PPIE: variants seen among roughly 807,000 people sequenced by gnomAD.
PPIE encodes peptidyl-prolyl cis-trans isomerase E.
Under a neutral mutation model 38.4 loss-of-function variants are expected in PPIE, and 20 were observed. The ratio of observed to expected loss-of-function variants is 0.52; its 90% CI spans 0.37 to 0.76. The LOEUF (loss-of-function observed/expected upper bound fraction) is 0.76. PPIE is among the 30% of genes least tolerant of loss of function. The pLI is 0.00. For missense variants in PPIE, 322 were observed against 385.8 expected (o/e 0.83, Z 1.39); for synonymous variants, 142 against 135.7 (o/e 1.05, Z -0.32).
intron 8 of PPIE, among the ~76,000 whole-genome samples, chr1:39,752,203 G>A (rs962916522): frequency 6.6e-6 from 1 of 152,118 alleles, no homozygotes; most frequent in South Asian, 2.1e-4. Flanking sequence ...GGCTTTCAGC[G>A]GTATCTCTGA....
intron 5 of PPIE, among the ~76,000 whole-genome samples, chr1:39,743,508 G>A (rs564948260): frequency 5.3e-5 from 8 of 152,314 alleles, no homozygotes; most frequent in Middle Eastern, 6.8e-3. Context: ...GATTGTTTCT[G>A]TTATGAGAGA....
rs553855545 is a variant in PPIE, at chr1:39,756,189, T to G, written c.*2834T>G. The G allele has an allele frequency of 1.4e-4, 140 of 985,432 alleles. No homozygotes were observed. Among genetic ancestry groups the G allele is most frequent in the Admixed American group, 3.7e-4 (6 of 16,290 alleles). The allele number at this position is 985,432 out of a possible 1,614,324, so 61.0% of individuals were successfully genotyped here. ...GCTGCCTCGGGAAAACTCTGACCTC[T>G]CTGGGAAGTGGAGCCAGTGGCTCTG... On this transcript the variant is annotated 3_prime_UTR_variant, in exon 10 of 10. Transcript: ENST00000324379.
At chr1:39,762,555 C>T in intron 9 of PPIE, 2 of 1,550,306 alleles carry the variant, frequency 1.3e-6, no homozygotes, top group South Asian at 2.4e-5. Context: ...CCAGGGGATC[C>T]AGAAAAAACA....
In PPIE at chr1:39,756,119, C is replaced by T. The variant is rs1648242479; in HGVS notation, c.*2764C>T. The T allele has an allele frequency of 5.1e-6, 5 of 985,336 alleles. No individual in the cohort carries two copies. Among genetic ancestry groups the T allele is most frequent in the Non-Finnish European group, 6.0e-6 (5 of 829,946 alleles). 61.0% of individuals were successfully genotyped at this position (985,336 alleles called of 1,614,324 possible). On this transcript the variant is annotated 3_prime_UTR_variant, in exon 10 of 10. Transcript: ENST00000324379. ...AGCTGGGCAGTGGCATGCCCCACAG[C>T]CTGGCCACCTGCTTCGGCTACGCAC...
intron 9 of PPIE, chr1:39,763,046 G>A: frequency 6.3e-7 from 1 of 1,599,286 alleles, no homozygotes; most frequent in Non-Finnish European, 8.6e-7. Context: ...CCTCTCCACA[G>A]GGCCCCCCAC....
chr1:39,739,952 G>A, intron 1 of PPIE: 1 of 486,270 alleles, frequency 2.1e-6, no homozygotes, highest in Non-Finnish European at 3.7e-6. Context: ...AGCTATTGCA[G>A]TAATCCCAGG....
At position 39,745,431 on chromosome 1, in the gene PPIE, G is replaced by A. The variant is rs540102410; in HGVS notation, c.441G>A (p.Lys147=). 4.3e-6 allele frequency: 7 copies of A among 1,614,256 alleles called. No homozygotes were observed. The African/African-American group carries it at 6.7e-5, about 15-fold the overall frequency. Residue 147 remains lysine, a synonymous_variant, in exon 7 of 10, where the codon AAG becomes AAA. Transcript: ENST00000324379. ...RSNPQVYMDI[K]IGNKPAGRIQ... is the part of the protein sequence containing the mutation. The stretch of plus-strand genomic sequence containing the variant: ...ATCCTCAGGTGTACATGGACATCAA[G>A]ATTGGGAACAAGCCGGCTGGCCGCA...
chr1:39,759,129 T>A (rs1648609267), downstream of PPIE: 1 of 152,178 alleles, frequency 6.6e-6, no homozygotes, highest in African/African-American at 2.4e-5. Flanking sequence ...ACACTCCAAC[T>A]CCCAGTGGCT....
intron 7 of PPIE, chr1:39,748,244 TA>T (rs779401739): frequency 6.6e-6 from 1 of 152,248 alleles, no homozygotes; most frequent in Non-Finnish European, 1.5e-5. Context: ...AAAATCTAAT[TA>T]TTTTTTTCTT....
In PPIE at chr1:39,749,085, C is replaced by A; in HGVS notation, c.691C>A (p.Pro231Thr). The change falls in exon 8 of 10, where the codon CCA becomes ACA. Residue 231 changes from proline (P) to threonine (T), a missense_variant. Transcript: ENST00000324379. ...AAACTTTATCCTCAAGCATACGGGA[C>A]CAGGTAGGAGCCAGTTGGCATGTGG... ...DENFILKHTG[P>T]GLLSMANSGP... The A allele has an allele frequency of 6.3e-7, 1 of 1,593,610 alleles. No homozygotes were observed.
At position 39,740,231 on chromosome 1, in the gene PPIE, C is replaced by G. The variant is rs1647024015; in HGVS notation, c.98C>G (p.Thr33Arg). Residue 33 changes from threonine to arginine, a missense_variant, in exon 2 of 10, where the codon ACA becomes AGA. Thr to Arg is a moderately conservative substitution (Grantham distance 71). Coordinates refer to ENST00000324379, the MANE Select transcript of PPIE (RefSeq NM_006112.4). ...HAAFIPFGDI[T>R]DIQIPLDYET... ...GCGTTCATTCCTTTTGGAGACATCACAGATATTCAGATTCCTCTGGATTAT... is the reference window on the plus strand; with the variant it reads ...GCGTTCATTCCTTTTGGAGACATCAGAGATATTCAGATTCCTCTGGATTAT... 1 of 1,614,112 alleles carries G rather than the reference C, an allele frequency of 6.2e-7. No homozygotes were observed. Among genetic ancestry groups the G allele is most frequent in the Non-Finnish European group, 8.5e-7 (1 of 1,179,962 alleles).
chr1:39,763,218 G>A (rs375473303), intron 9 of PPIE: 158 of 1,597,732 alleles, frequency 9.9e-5, no homozygotes, highest in Non-Finnish European at 1.3e-4. Flanking sequence ...GGGCAAGGGA[G>A]AAGGTGAGTC....
intron 7 of PPIE, chr1:39,748,342 C>T (rs111860112): frequency 6.6e-6 from 1 of 152,216 alleles, no homozygotes; most frequent in African/African-American, 2.4e-5. Context: ...TTCTAAGATC[C>T]TTTGGTTTTT....
At chr1:39,739,211 C>A in intron 1 of PPIE, 1 of 386,164 alleles carries the variant, frequency 2.6e-6, no homozygotes, top group Non-Finnish European at 4.6e-6. Context: ...ACCCACTTGC[C>A]CCCAAGGTTC....
chr1:39,745,443 G>A lies in PPIE; in HGVS notation c.453G>A (p.Lys151=). Residue 151 remains lysine (K), a synonymous_variant, in exon 7 of 10, where the codon AAG becomes AAA. Coordinates refer to ENST00000324379, the MANE Select transcript of PPIE (RefSeq NM_006112.4). ...QVYMDIKIGN[K]PAGRIQMLLR... ...ACATGGACATCAAGATTGGGAACAA[G>A]CCGGCTGGCCGCATCCAGATGCTCC... 6.2e-7 allele frequency: 1 copy of A among 1,614,252 alleles called. No individual in the cohort carries two copies. The highest frequency in any genetic ancestry group is 8.5e-7 in the Non-Finnish European group (1 of 1,180,048).
chr1:39,740,352 C>A, intron 2 of PPIE, 89 bp downstream of exon 2: 1 of 1,027,612 alleles, frequency 9.7e-7, no homozygotes, highest in Non-Finnish European at 1.5e-6. Context: ...AATATGCATT[C>A]TAAATATGGT....
rs145766326 is a variant in PPIE at position 39,740,494 on chromosome 1, G to C, written c.130+231G>C. ...GTCTTCAGCTGTTGGGTTGAGATAAGACAGATTTTTCAATAGACCAGTAGG... is the reference window on the plus strand; with the variant it reads ...GTCTTCAGCTGTTGGGTTGAGATAACACAGATTTTTCAATAGACCAGTAGG... On this transcript the variant is annotated intron_variant, in intron 2 of 9. Coordinates refer to ENST00000324379, the MANE Select transcript of PPIE (RefSeq NM_006112.4). Among the ~76,000 whole-genome samples, 953 of 152,280 alleles carry C rather than the reference G, an allele frequency of 6.3e-3. 8 individuals carry two copies. The highest frequency in any genetic ancestry group is 0.022 in the African/African-American group (907 of 41,542).
In PPIE at chr1:39,745,415, T is replaced by C; in HGVS notation, c.425T>C (p.Val142Ala). The C allele has an allele frequency of 6.2e-7, 1 of 1,614,206 alleles. No homozygotes were observed. Among genetic ancestry groups the C allele is most frequent in the Non-Finnish European group, 8.5e-7 (1 of 1,180,036 alleles). ...IAKKARSNPQ[V>A]YMDIKIGNKP... Reference sequence around the variant, plus strand: ...AAAAAGGCCCGCTCAAATCCTCAGGTGTACATGGACATCAAGATTGGGAAC... The same window carrying C: ...AAAAAGGCCCGCTCAAATCCTCAGGCGTACATGGACATCAAGATTGGGAAC... The change falls in exon 7 of 10, where the codon GTG (valine) becomes GCG (alanine). Residue 142 changes from valine (V) to alanine (A), a missense_variant. By Grantham distance (64) the Val-to-Ala change is moderately conservative. Transcript: ENST00000324379.
intron 3 of PPIE, 44 bp downstream of exon 3, chr1:39,741,453 T>A: frequency 6.3e-7 from 1 of 1,592,666 alleles, no homozygotes; most frequent in Non-Finnish European, 8.6e-7. Context: ...GTTTGTGATG[T>A]TGTTACTGAT....
Sources: allele counts gnomAD v4.1 joint callset (sites outside exome capture counted in the v4.1 genomes callset), GRCh38; gene constraint gnomAD v4.1.1; transcripts MANE v1.5; gene names NCBI Gene and HGNC (gene_info 2026-07-23, HGNC 2026-07-21).